FRY: variants seen among roughly 807,000 people sequenced by gnomAD.
The protein encoded by FRY is FRY microtubule binding protein, also known as protein furry homolog.
FRY carries 128 observed loss-of-function variants against 348.4 expected under a neutral mutation model. The ratio of observed to expected loss-of-function variants is 0.37; its 90% confidence interval spans 0.32 to 0.43. The LOEUF is 0.43. Among genes scored for constraint, FRY ranks in the 20% least tolerant of loss-of-function variants. FRY has a pLI of 1.00. For synonymous variants in FRY, 1,370 were observed against 1,374.7 expected (o/e 1.00, Z 0.08); for missense variants, 2,736 against 3,695.2 (o/e 0.74, Z 6.73).
intron 59 of FRY, among the ~76,000 whole-genome samples, chr13:32,291,575 T>A (rs1218185908): frequency 1.3e-5 from 2 of 151,896 alleles, no homozygotes; most frequent in Non-Finnish European, 2.9e-5. Context: ...CTGGCTAATT[T>A]TGTATTTTTA....
At chr13:32,193,293 A>G (rs1028193430) in intron 28 of FRY, among the ~76,000 whole-genome samples, 1 of 151,686 alleles carries the variant, frequency 6.6e-6, no homozygotes, top group African/African-American at 2.4e-5. Context: ...TTAGTAACCA[A>G]TCCTCATAAT....
chr13:32,063,093 C>T (rs1874042149), intron 1 of FRY, among the ~76,000 whole-genome samples: 1 of 152,176 alleles, frequency 6.6e-6, no homozygotes, highest in Non-Finnish European at 1.5e-5. Context: ...AAGTCACCCT[C>T]TGCATCATGT....
In FRY at chr13:32,145,526, GTTT is replaced by G. The variant is rs59585678; in HGVS notation, c.1180-1729_1180-1727del. ...CCACACTCCCCTCTCTGACTGATTT[GTTT>G]TTTTTTTTTTTTTTTTTTTTTTTTT... On this transcript the variant is annotated intron_variant, in intron 11 of 60. Coordinates refer to ENST00000542859, the MANE Select transcript of FRY (RefSeq NM_023037.3). 2.3e-4 allele frequency among the ~76,000 whole-genome samples: 21 copies of G among 91,478 alleles called. 1 individual carries two copies. The highest frequency in any genetic ancestry group is 6.2e-4 in the African/African-American group (15 of 24,108). 60.0% of individuals were successfully genotyped at this position (91,478 alleles called of 152,430 possible).
chr13:32,257,908 A>C, intron 51 of FRY: 1 of 1,484,568 alleles, frequency 6.7e-7, no homozygotes, highest in Middle Eastern at 1.7e-4. Context: ...TCTTTAATAT[A>C]ATCATTGTAA....
At chr13:32,228,705 A>G (rs1351450678) in intron 40 of FRY, 51 bp downstream of exon 40, 4 of 1,476,508 alleles carry the variant, frequency 2.7e-6, no homozygotes, top group Non-Finnish European at 3.8e-6. Flanking sequence ...TCTTTCGGAA[A>G]ATTGCCAACG....
At chr13:32,245,122 G>T (rs968996504) in intron 47 of FRY, among the ~76,000 whole-genome samples, 4 of 151,800 alleles carry the variant, frequency 2.6e-5, no homozygotes, top group Admixed American at 1.3e-4. Flanking sequence ...GCTAATTTTT[G>T]TATTTTTAGT....
intron 3 of FRY, among the ~76,000 whole-genome samples, chr13:32,102,975 C>T (rs1281361215): frequency 6.6e-6 from 1 of 152,164 alleles, no homozygotes; most frequent in Admixed American, 6.5e-5. Flanking sequence ...TTTGAAACTG[C>T]CTTTAATATG....
chr13:32,083,606 G>A (rs1418880554), intron 2 of FRY, among the ~76,000 whole-genome samples: 2 of 152,106 alleles, frequency 1.3e-5, no homozygotes, highest in African/African-American at 4.8e-5. Context: ...GTTGCCCAGA[G>A]TTATTGCTGT....
At chr13:32,153,025 G>T (rs1202562480) in intron 14 of FRY, among the ~76,000 whole-genome samples, 1 of 152,100 alleles carries the variant, frequency 6.6e-6, no homozygotes, top group Non-Finnish European at 1.5e-5. Context: ...TAGTCATTAA[G>T]GAAATTCAAT....
At position 32,131,716 on chromosome 13, in the gene FRY, T is replaced by A; in HGVS notation, c.761T>A (p.Leu254Ter). ...AAATTTATGGCGGAGCTAAAAGAAT[T>A]ACGGCACAAAGAGCAGAACCCATAT... ...KKKFMAELKE[L>*]RHKEQNPYVV... is the part of the protein sequence containing the mutation. The change falls in exon 8 of 61, where the codon TTA becomes TAA. Residue 254 changes from leucine to a stop codon, truncating the protein, a stop_gained. Transcript: ENST00000542859. LOFTEE classifies it high-confidence loss of function. The A allele has an allele frequency of 6.2e-7, 1 of 1,613,960 alleles. No individual in the cohort carries two copies. Among genetic ancestry groups the A allele is most frequent in the Non-Finnish European group, 8.5e-7 (1 of 1,179,824 alleles).
chr13:32,129,602 G>A (rs994683900), intron 7 of FRY, among the ~76,000 whole-genome samples: 4 of 152,076 alleles, frequency 2.6e-5, no homozygotes, highest in African/African-American at 9.7e-5. Context: ...TCCACCAAAT[G>A]CCACCGAAGA....
chr13:32,255,837 G>T (rs972750802), intron 51 of FRY, among the ~76,000 whole-genome samples: 1 of 152,152 alleles, frequency 6.6e-6, no homozygotes, highest in African/African-American at 2.4e-5. Context: ...CCAGCTCCCT[G>T]ATCTGACAAC....
intron 1 of FRY, among the ~76,000 whole-genome samples, chr13:32,074,440 C>G (rs1265526248): frequency 6.6e-6 from 1 of 152,138 alleles, no homozygotes; most frequent in Non-Finnish European, 1.5e-5. Context: ...AAGTAATGCT[C>G]TTCTCCTCCA....
chr13:32,100,222 G>A lies in FRY; in HGVS notation c.271-1741G>A, dbSNP rs147770976. On this transcript the variant is annotated intron_variant, in intron 2 of 60. Coordinates refer to ENST00000542859, the MANE Select transcript of FRY (RefSeq NM_023037.3). Reference sequence around the variant, plus strand: ...CAGCCTCCCGAGTAGCTGGGATTACGGGCACACACCACCTTGCCCAGCTAA... The same window carrying A: ...CAGCCTCCCGAGTAGCTGGGATTACAGGCACACACCACCTTGCCCAGCTAA... 7.9e-3 allele frequency among the ~76,000 whole-genome samples: 1,203 copies of A among 151,660 alleles called. 10 individuals are homozygous for A. The highest frequency in any genetic ancestry group is 9.6e-3 in the Non-Finnish European group (654 of 67,894).
chr13:32,259,071 CAT>C (rs1887490512), intron 51 of FRY, among the ~76,000 whole-genome samples: 1 of 152,236 alleles, frequency 6.6e-6, no homozygotes. Context: ...TTTGAACTGA[CAT>C]ATACAGAGTG....
chr13:32,188,044 A>G (rs1883124957), intron 28 of FRY, among the ~76,000 whole-genome samples: 1 of 152,158 alleles, frequency 6.6e-6, no homozygotes, highest in Admixed American at 6.5e-5. Flanking sequence ...TAACTGAAGA[A>G]TAATGAAAGT....
chr13:32,269,084 G>A (rs1183414544), intron 55 of FRY, among the ~76,000 whole-genome samples: 1 of 152,076 alleles, frequency 6.6e-6, no homozygotes, highest in Non-Finnish European at 1.5e-5. Context: ...TAATTTAGTT[G>A]GACTGAGGGA....
intron 41 of FRY, among the ~76,000 whole-genome samples, chr13:32,233,107 A>G (rs1382649198): frequency 1.3e-5 from 2 of 152,222 alleles, no homozygotes; most frequent in Non-Finnish European, 2.9e-5. Context: ...AGCAGCCTAC[A>G]TGGGTTTAAT....
intron 2 of FRY, among the ~76,000 whole-genome samples, chr13:32,091,542 T>C (rs140730831): frequency 6.6e-6 from 1 of 152,290 alleles, no homozygotes; most frequent in South Asian, 2.1e-4. Flanking sequence ...TCATACGAAG[T>C]AGAGTGCCTG....
Sources: gnomAD v4.1 joint callset for allele counts (sites outside exome capture counted in the v4.1 genomes callset) on GRCh38, gnomAD v4.1.1 for gene constraint, MANE v1.5 for transcripts, NCBI Gene and HGNC (gene_info 2026-07-23, HGNC 2026-07-21) for gene names.